Variants in NEO1 observed in about 807,000 individuals in gnomAD.
NEO1 encodes neogenin.
A neutral mutation model predicts 159.7 loss-of-function variants in NEO1; 63 were observed. That is an observed-to-expected ratio of 0.39 (90% CI 0.32 to 0.49). The LOEUF is 0.49. Ranked by LOEUF, NEO1 falls within the 20% of genes least tolerant of loss-of-function variation. NEO1 has a pLI of 0.85. For missense variants in NEO1, 1,615 were observed against 1,831.0 expected, an observed-to-expected ratio of 0.88 and a Z score of 2.15; for synonymous variants, 633 against 662.0, an observed-to-expected ratio of 0.96 and a Z score of 0.67.
intron 5 of NEO1, among the ~76,000 whole-genome samples, chr15:73,151,438 T>A (rs2033361208): frequency 6.6e-6 from 1 of 152,230 alleles, no homozygotes; most frequent in African/African-American, 2.4e-5. Context: ...TAGTTGATTT[T>A]AGCTATTATT....
chr15:73,221,103 T>C (rs1262850903), intron 7 of NEO1, among the ~76,000 whole-genome samples: 14 of 152,314 alleles, frequency 9.2e-5, no homozygotes, highest in Non-Finnish European at 1.6e-4. Context: ...GATGGATTTT[T>C]GGTGTGGATG....
chr15:73,232,194 G>A (rs774116697), intron 7 of NEO1, among the ~76,000 whole-genome samples: 46 of 152,224 alleles, frequency 3.0e-4, no homozygotes, highest in Middle Eastern at 6.8e-3. Flanking sequence ...CCACCCCCTA[G>A]CAGTTTTTCT....
At chr15:73,122,924 C>A in intron 3 of NEO1, 124 bp downstream of exon 3, 1 of 1,206,034 alleles carries the variant, frequency 8.3e-7, no homozygotes. Context: ...AATCCCAGCA[C>A]TTTGGGAGGT....
intron 5 of NEO1, among the ~76,000 whole-genome samples, chr15:73,170,367 A>G (rs1444214528): frequency 3.9e-5 from 6 of 152,236 alleles, no homozygotes; most frequent in Admixed American, 6.5e-5. Flanking sequence ...GCTAAAAGCT[A>G]CAGTCTTAGA....
intron 4 of NEO1, 34 bp downstream of exon 4, chr15:73,126,604 C>T (rs1389932457): frequency 3.1e-6 from 5 of 1,593,442 alleles, no homozygotes; most frequent in Admixed American, 1.8e-5. Context: ...CTTCTTCAGC[C>T]TTAGCTTGAG....
intron 1 of NEO1, among the ~76,000 whole-genome samples, chr15:73,110,821 A>T (rs916602773): frequency 2.0e-5 from 3 of 152,160 alleles, no homozygotes; most frequent in Non-Finnish European, 4.4e-5. Flanking sequence ...CCTGGGGAGA[A>T]GTATAAGCCA....
At chr15:73,115,535 A>G (rs1678952154) in intron 1 of NEO1, among the ~76,000 whole-genome samples, 1 of 152,144 alleles carries the variant, frequency 6.6e-6, no homozygotes, top group South Asian at 2.1e-4. Flanking sequence ...GTCATCCTTA[A>G]ATTCATAATG....
chr15:73,205,476 G>A (rs2037158063), intron 7 of NEO1, among the ~76,000 whole-genome samples: 1 of 152,206 alleles, frequency 6.6e-6, no homozygotes, highest in South Asian at 2.1e-4. Flanking sequence ...CCAGAGACAG[G>A]AGGGAATCTT....
intron 1 of NEO1, among the ~76,000 whole-genome samples, chr15:73,064,887 C>A (rs2068138964): frequency 6.6e-6 from 1 of 152,046 alleles, no homozygotes. Flanking sequence ...ATATATTTGG[C>A]TTTAAACCTC....
rs8037557 is a variant in NEO1 at position 73,060,759 on chromosome 15, G to C, written c.130+7954G>C. ...ACCTTCCAGGCTCAGGTGATCCCCA[G>C]CCTCAGCCTCCCAAGTAGCTGGGGC... On this transcript the variant is annotated intron_variant, in intron 1 of 28. Transcript: ENST00000261908. Among the ~76,000 whole-genome samples the C allele has an allele frequency of 8.5e-3, 1,296 of 152,040 alleles. 23 individuals are homozygous for C. The highest frequency in any genetic ancestry group is 0.029 in the African/African-American group (1,222 of 41,452).
chr15:73,264,068 T>G (rs1308231174), intron 15 of NEO1, among the ~76,000 whole-genome samples: 2 of 151,932 alleles, frequency 1.3e-5, no homozygotes, highest in Non-Finnish European at 2.9e-5. Flanking sequence ...GTGCTTCTAG[T>G]CCCAGCTACT....
At chr15:73,218,843 A>G (rs1159311159) in intron 7 of NEO1, among the ~76,000 whole-genome samples, 5 of 152,100 alleles carry the variant, frequency 3.3e-5, no homozygotes, top group Non-Finnish European at 5.9e-5. Flanking sequence ...CTAGCAGTCT[A>G]TCAATTTTGT....
At chr15:73,274,862 G>A in intron 21 of NEO1, 138 bp downstream of exon 21, 4 of 774,920 alleles carry the variant, frequency 5.2e-6, no homozygotes, top group Non-Finnish European at 8.3e-6. Context: ...ATTGGCCAAA[G>A]TAGAGTTGAG....
chr15:73,256,343 T>TA (rs528010274), intron 13 of NEO1, among the ~76,000 whole-genome samples: 175 of 152,042 alleles, frequency 1.2e-3, no homozygotes, highest in Non-Finnish European at 2.0e-3. Flanking sequence ...CTACTAAAAA[T>TA]ACAAAAATTA....
At chr15:73,290,842 T>A (rs1172921580) in intron 25 of NEO1, among the ~76,000 whole-genome samples, 1 of 152,128 alleles carries the variant, frequency 6.6e-6, no homozygotes, top group African/African-American at 2.4e-5. Context: ...AGGTACACCA[T>A]GACATCGTGC....
At chr15:73,179,309 C>A (rs997942555) in intron 7 of NEO1, among the ~76,000 whole-genome samples, 6 of 152,128 alleles carry the variant, frequency 3.9e-5, no homozygotes, top group African/African-American at 1.2e-4. Flanking sequence ...GGAAGAGGCC[C>A]CTCTTTTTAC....
chr15:73,105,895 C>T (rs1459923889), intron 1 of NEO1, among the ~76,000 whole-genome samples: 1 of 152,158 alleles, frequency 6.6e-6, no homozygotes. Flanking sequence ...TCTGCCAAAT[C>T]TGTCCATTGT....
chr15:73,253,237 A>G (rs1357340912), intron 11 of NEO1, among the ~76,000 whole-genome samples, 163 bp from the exon 12 acceptor site: 1 of 152,198 alleles, frequency 6.6e-6, no homozygotes, highest in East Asian at 1.9e-4. Flanking sequence ...TATGTCATCC[A>G]CATAGTATTG....
In NEO1 at chr15:73,236,470, C is replaced by T; in HGVS notation, c.1415C>T (p.Thr472Ile). The change falls in exon 8 of 29, where the codon ACC becomes ATC. Residue 472 changes from threonine to isoleucine, a missense_variant. Transcript: ENST00000261908. ...PASDPHGDNL[T>I]YSVFYTKEGI... ...TCAGATCCTCACGGAGACAACCTTACCTACTCTGTGTTCTACACCAAGGAA... is the reference window on the plus strand; with the variant it reads ...TCAGATCCTCACGGAGACAACCTTATCTACTCTGTGTTCTACACCAAGGAA... 1 of 1,614,172 alleles carries T rather than the reference C, an allele frequency of 6.2e-7. No individual in the cohort carries two copies. The highest frequency in any genetic ancestry group is 1.6e-4 in the Middle Eastern group (1 of 6,062).
Sources: allele counts gnomAD v4.1 joint callset (sites outside exome capture counted in the v4.1 genomes callset), GRCh38; gene constraint gnomAD v4.1.1; transcripts MANE v1.5; gene names NCBI Gene and HGNC (gene_info 2026-07-23, HGNC 2026-07-21).